KAZN: variants seen among roughly 807,000 people sequenced by gnomAD.
KAZN encodes the protein kazrin.
Under a neutral mutation model 87.4 loss-of-function variants are expected in KAZN, and 40 were observed. The observed-to-expected ratio is 0.46, with a 90% CI of 0.36 to 0.60. KAZN has a LOEUF of 0.60. Among genes scored for constraint, KAZN ranks in the 20% least tolerant of loss-of-function variants. The pLI is 0.00. For missense variants in KAZN, 898 were observed against 1,073.9 expected (o/e 0.84, Z 2.29); for synonymous variants, 466 against 458.3 (o/e 1.02, Z -0.22).
chr1:14,469,697 T>C (rs1453848028), intron 2 of KAZN, among the ~76,000 whole-genome samples: 5 of 152,192 alleles, frequency 3.3e-5, no homozygotes, highest in Non-Finnish European at 7.3e-5. Context: ...TATTTTCCCT[T>C]GAACATGTCC....
intron 1 of KAZN, among the ~76,000 whole-genome samples, chr1:14,658,825 G>A (rs1010456500): frequency 3.3e-5 from 5 of 152,150 alleles, no homozygotes; most frequent in African/African-American, 9.7e-5. Context: ...TCTCCACTGC[G>A]TGCTGCTTTA....
chr1:14,531,146 C>T (rs975213395), intron 2 of KAZN, among the ~76,000 whole-genome samples: 4 of 152,180 alleles, frequency 2.6e-5, no homozygotes, highest in Non-Finnish European at 4.4e-5. Flanking sequence ...AATGGACTGA[C>T]ACGCATCTCA....
At chr1:14,036,156 A>C (rs559127666) in intron 1 of KAZN, among the ~76,000 whole-genome samples, 1 of 152,336 alleles carries the variant, frequency 6.6e-6, no homozygotes, top group South Asian at 2.1e-4. Flanking sequence ...CCTTTTGAAC[A>C]GGCTGGAGTT....
intron 2 of KAZN, among the ~76,000 whole-genome samples, chr1:14,432,017 T>C (rs1441455167): frequency 6.6e-6 from 1 of 152,184 alleles, no homozygotes; most frequent in African/African-American, 2.4e-5. Context: ...CTGACTAATA[T>C]AGGAACCAAA....
chr1:14,273,033 C>T (rs547868256), intron 2 of KAZN, among the ~76,000 whole-genome samples: 9 of 152,090 alleles, frequency 5.9e-5, no homozygotes, highest in Non-Finnish European at 1.3e-4. Flanking sequence ...GAGGAAACGA[C>T]TTGCCCAAGC....
chr1:14,964,694 A>G (rs897935239), intron 2 of KAZN, among the ~76,000 whole-genome samples: 1 of 152,238 alleles, frequency 6.6e-6, no homozygotes, highest in South Asian at 2.1e-4. Flanking sequence ...GCTTGTTAAC[A>G]TCCAGTGTCC....
chr1:14,726,762 G>A (rs1266671758), intron 1 of KAZN, among the ~76,000 whole-genome samples: 4 of 152,196 alleles, frequency 2.6e-5, no homozygotes, highest in Admixed American at 6.5e-5. Flanking sequence ...CGGGGAACTT[G>A]AGAGACATGC....
At chr1:14,043,356 A>G (rs549081247) in intron 1 of KAZN, among the ~76,000 whole-genome samples, 43 of 152,334 alleles carry the variant, frequency 2.8e-4, no homozygotes, top group African/African-American at 9.9e-4. Flanking sequence ...ACACTGGGTT[A>G]TTCCAGCCTT....
chr1:14,150,478 C>A (rs1288142701), intron 1 of KAZN, among the ~76,000 whole-genome samples: 1 of 152,242 alleles, frequency 6.6e-6, no homozygotes, highest in Non-Finnish European at 1.5e-5. Context: ...GAACTTCCAA[C>A]TTCATTGTGC....
intron 2 of KAZN, among the ~76,000 whole-genome samples, chr1:14,187,320 CAATTTTAAT>C (rs1008796147): frequency 2.2e-4 from 34 of 152,194 alleles, no homozygotes; most frequent in African/African-American, 7.9e-4. Context: ...AATATTTTGA[CAATTTTAAT>C]ATGTTGATAC....
intron 1 of KAZN, among the ~76,000 whole-genome samples, chr1:14,798,510 CTCCACTT>C (rs112335389): frequency 0.8 from 115,889 of 144,316 alleles, 46,946 homozygotes; most frequent in African/African-American, 0.91. Context: ...TCACTGCAAG[CTCCACTT>C]TCCACTTCCC....
chr1:14,796,922 C>T (rs1645845593), intron 1 of KAZN, among the ~76,000 whole-genome samples: 1 of 152,220 alleles, frequency 6.6e-6, no homozygotes, highest in Admixed American at 6.5e-5. Flanking sequence ...CCAGGTACCC[C>T]ATGTAAGGAA....
At chr1:13,946,830 AGT>A (rs1641162582) in intron 1 of KAZN, among the ~76,000 whole-genome samples, 2 of 152,186 alleles carry the variant, frequency 1.3e-5, no homozygotes, top group Admixed American at 6.5e-5. Flanking sequence ...AATATTAGGT[AGT>A]GTATTTTCAT....
chr1:14,574,207 T>G (rs1410902755), intron 2 of KAZN, among the ~76,000 whole-genome samples: 1 of 152,198 alleles, frequency 6.6e-6, no homozygotes, highest in East Asian at 1.9e-4. Flanking sequence ...TCCTCATGTA[T>G]AGCTTGGGGA....
At chr1:14,895,912 T>C (rs2101204307) in intron 1 of KAZN, among the ~76,000 whole-genome samples, 1 of 152,200 alleles carries the variant, frequency 6.6e-6, no homozygotes, top group South Asian at 2.1e-4. Flanking sequence ...ATTTAAGTAG[T>C]CAGGAGGGCT....
At chr1:14,914,921 T>G (rs1657637377) in intron 1 of KAZN, among the ~76,000 whole-genome samples, 1 of 152,112 alleles carries the variant, frequency 6.6e-6, no homozygotes, top group Non-Finnish European at 1.5e-5. Flanking sequence ...CCAGGCGCGG[T>G]GGCTCACGCC....
intron 1 of KAZN, among the ~76,000 whole-genome samples, chr1:14,842,786 A>G (rs947843764): frequency 2.2e-4 from 33 of 152,372 alleles, no homozygotes; most frequent in Middle Eastern, 3.4e-3. Context: ...ATACATGCAC[A>G]TAATTTCAAA....
In KAZN at chr1:14,961,460, AT is replaced by A. The variant is rs369473133; in HGVS notation, c.418+586del. ...AGGAGATGAGGAAACCGCTGTCCAC[AT>A]GCTCAGCCTGGTTTCCCTGGAGGGA... On this transcript the variant is annotated intron_variant, in intron 2 of 14. Transcript: ENST00000376030. Among the ~76,000 whole-genome samples the A allele has an allele frequency of 1.5e-4, 23 of 152,278 alleles. No individual in the cohort carries two copies. The South Asian group carries it at 4.8e-3, about 32-fold the overall frequency.
chr1:14,008,608 G>A (rs544491337), intron 1 of KAZN, among the ~76,000 whole-genome samples: 17 of 152,308 alleles, frequency 1.1e-4, no homozygotes, highest in African/African-American at 4.1e-4. Flanking sequence ...GGCAAGTAAA[G>A]AGATAATTAC....
Sources: allele counts gnomAD v4.1 joint callset (sites outside exome capture counted in the v4.1 genomes callset), GRCh38; gene constraint gnomAD v4.1.1; transcripts MANE v1.5; gene names NCBI Gene and HGNC (gene_info 2026-07-23, HGNC 2026-07-21).